PGM5: variants seen among roughly 807,000 people sequenced by gnomAD.
PGM5 encodes phosphoglucomutase 5.
A neutral mutation model predicts 59.2 loss-of-function variants in PGM5; 23 were observed. That is an observed-to-expected ratio of 0.39 (90% confidence interval 0.28 to 0.55). The LOEUF is 0.55. Among genes scored for constraint, PGM5 ranks in the 20% least tolerant of loss-of-function variants. The pLI is 0.66. For synonymous variants in PGM5, 214 were observed against 286.0 expected, an observed-to-expected ratio of 0.75 and a Z score of 2.54; for missense variants, 574 against 748.3, an observed-to-expected ratio of 0.77 and a Z score of 2.72.
rs573357899 is a variant in PGM5 at position 68,385,312 on chromosome 9, T to C, written c.571+768T>C. 2.8e-4 allele frequency among the ~76,000 whole-genome samples: 43 copies of C among 152,322 alleles called. No individual in the cohort carries two copies. In the South Asian group the frequency reaches 7.5e-3, roughly 26 times the overall value. On this transcript the variant is annotated intron_variant, in intron 3 of 10. Transcript: ENST00000396396. The stretch of plus-strand genomic sequence containing the variant: ...ATAGATCTAACATGTTTTACTTTTT[T>C]AGTGCTTCTATAAGCTTGAATGCAG...
chr9:68,519,904 T>TAAAA (rs1272998224), intron 10 of PGM5, among the ~76,000 whole-genome samples: 4 of 127,342 alleles, frequency 3.1e-5, no homozygotes, highest in Admixed American at 7.2e-5. Context: ...TTACAATAAA[T>TAAAA]AAATAAATAA....
intron 1 of PGM5, chr9:68,357,726 G>T (rs1220562053): frequency 2.2e-5 from 8 of 355,562 alleles, no homozygotes; most frequent in Non-Finnish European, 3.1e-5. Flanking sequence ...CTCTTACCCG[G>T]CCCTGTAGAT....
At position 68,483,949 on chromosome 9, in the gene PGM5, T is replaced by C; in HGVS notation, c.1380T>C (p.Ile460=). The C allele has an allele frequency of 1.2e-6, 2 of 1,614,134 alleles. No individual in the cohort carries two copies. Among genetic ancestry groups the C allele is most frequent in the Non-Finnish European group, 1.7e-6 (2 of 1,179,990 alleles). Residue 460 remains isoleucine, a synonymous_variant, in exon 9 of 11, where the codon ATT becomes ATC. Transcript: ENST00000396396. The part of the protein sequence containing the change: ...LEALVTDKSF[I]GQQFAVGSHV... ...CCCTGGTCACAGACAAATCCTTCAT[T>C]GGCCAGCAGTTTGCTGTGGGGAGCC...
At chr9:68,500,019 C>T (rs1824545700) in intron 10 of PGM5, among the ~76,000 whole-genome samples, 1 of 152,194 alleles carries the variant, frequency 6.6e-6, no homozygotes, top group Non-Finnish European at 1.5e-5. Flanking sequence ...AAATGACTCA[C>T]TTTAATGTTG....
chr9:68,359,080 CTTG>C (rs1397243772), intron 1 of PGM5, among the ~76,000 whole-genome samples: 27 of 152,122 alleles, frequency 1.8e-4, no homozygotes, highest in Non-Finnish European at 3.5e-4. Flanking sequence ...CTGTCCAATA[CTTG>C]TTGTGGGTCA....
At chr9:68,363,338 C>A (rs1262345735) in intron 1 of PGM5, among the ~76,000 whole-genome samples, 1 of 152,298 alleles carries the variant, frequency 6.6e-6, no homozygotes, top group Non-Finnish European at 1.5e-5. Context: ...AACTGAAGAA[C>A]TGAATTTTGC....
At chr9:68,382,817 A>ATC (rs1438596756) in intron 2 of PGM5, among the ~76,000 whole-genome samples, 1 of 151,772 alleles carries the variant, frequency 6.6e-6, no homozygotes, top group African/African-American at 2.4e-5. Context: ...ATGGCATCAT[A>ATC]GACAACTATC....
At chr9:68,487,447 C>CTCTCTGTG (rs10648860) in intron 9 of PGM5, among the ~76,000 whole-genome samples, 5 of 146,746 alleles carry the variant, frequency 3.4e-5, no homozygotes, top group South Asian at 2.2e-4. Context: ...CTCTCTCTCT[C>CTCTCTGTG]TGTGTCACAC....
At chr9:68,420,123 C>T (rs895925294) in intron 6 of PGM5, among the ~76,000 whole-genome samples, 2 of 152,152 alleles carry the variant, frequency 1.3e-5, no homozygotes, top group African/African-American at 2.4e-5. Context: ...CTCAGCCATT[C>T]CTGCTGTATT....
chr9:68,427,805 A>G (rs1442470934), intron 6 of PGM5, among the ~76,000 whole-genome samples: 4 of 152,308 alleles, frequency 2.6e-5, no homozygotes, highest in Non-Finnish European at 4.4e-5. Flanking sequence ...TAGGTTTTCC[A>G]TGATGCCTCT....
intron 10 of PGM5, among the ~76,000 whole-genome samples, chr9:68,521,761 A>G (rs933480907): frequency 4.6e-5 from 7 of 152,158 alleles, no homozygotes; most frequent in African/African-American, 1.7e-4. Context: ...GAACAGGGAA[A>G]CCATGGCCAG....
chr9:68,453,060 G>A (rs1357231982), intron 6 of PGM5, among the ~76,000 whole-genome samples: 1 of 152,180 alleles, frequency 6.6e-6, no homozygotes, highest in Non-Finnish European at 1.5e-5. Flanking sequence ...CATGTGTGCT[G>A]AATGAAACCA....
At chr9:68,418,239 A>G (rs1337881647) in intron 6 of PGM5, among the ~76,000 whole-genome samples, 1 of 152,106 alleles carries the variant, frequency 6.6e-6, no homozygotes, top group Non-Finnish European at 1.5e-5. Flanking sequence ...AAAGTGTCCC[A>G]TTTCACTGGG....
chr9:68,435,491 G>A (rs1176248831), intron 6 of PGM5, among the ~76,000 whole-genome samples: 3 of 152,028 alleles, frequency 2.0e-5, no homozygotes, highest in Admixed American at 6.6e-5. Context: ...CCCTTTTCCA[G>A]ACTTTCATAT....
intron 7 of PGM5, among the ~76,000 whole-genome samples, chr9:68,469,781 T>A (rs1823992833): frequency 6.6e-6 from 1 of 152,108 alleles, no homozygotes; most frequent in African/African-American, 2.4e-5. Flanking sequence ...AAAGGATGAA[T>A]GGGAGAAGGG....
intron 6 of PGM5, among the ~76,000 whole-genome samples, chr9:68,408,208 G>T (rs1384089094): frequency 6.6e-6 from 1 of 152,292 alleles, no homozygotes; most frequent in East Asian, 1.9e-4. Context: ...TTTGGATAAG[G>T]TCGTTTGGAT....
At chr9:68,484,136 C>G in intron 9 of PGM5, 88 bp downstream of exon 9, 2 of 1,093,250 alleles carry the variant, frequency 1.8e-6, no homozygotes, top group Non-Finnish European at 2.7e-6. Context: ...TAGGGATGAT[C>G]TAAGGTGACC....
intron 4 of PGM5, among the ~76,000 whole-genome samples, chr9:68,388,556 A>G (rs1372390292): frequency 6.6e-6 from 1 of 151,894 alleles, no homozygotes; most frequent in African/African-American, 2.4e-5. Flanking sequence ...ACCTTGATTT[A>G]CTCGTACATT....
intron 6 of PGM5, among the ~76,000 whole-genome samples, chr9:68,394,641 G>A (rs1272010622): frequency 2.0e-5 from 3 of 151,474 alleles, no homozygotes; most frequent in Non-Finnish European, 4.4e-5. Context: ...TTATTTTAGA[G>A]AAAGGGTCTC....
Sources: allele counts gnomAD v4.1 joint callset (sites outside exome capture counted in the v4.1 genomes callset), GRCh38; gene constraint gnomAD v4.1.1; transcripts MANE v1.5; gene names NCBI Gene and HGNC (gene_info 2026-07-23, HGNC 2026-07-21).